The following TANK variants were observed in gnomAD, a reference collection of about 807,000 sequenced individuals.
TANK encodes the protein TRAF family member-associated NF-kappa-B activator.
TANK carries 15 observed loss-of-function variants against 43.6 expected under a neutral mutation model. The observed-to-expected ratio is 0.34, with a 90% CI of 0.23 to 0.53. The LOEUF (loss-of-function observed/expected upper bound fraction) is 0.53, where lower values mean the gene tolerates loss of function less well. Among genes scored for constraint, TANK ranks in the 20% least tolerant of loss-of-function variants. TANK has a pLI of 0.94. For missense variants in TANK, 417 were observed against 498.6 expected (o/e 0.84, Z 1.56); for synonymous variants, 162 against 178.2 (o/e 0.91, Z 0.73).
At chr2:161,190,879 T>G (rs1167717433) in intron 2 of TANK, among the ~76,000 whole-genome samples, 1 of 152,138 alleles carries the variant, frequency 6.6e-6, no homozygotes, top group African/African-American at 2.4e-5. Flanking sequence ...AGGTAGATGG[T>G]GGTGATGGCT....
At chr2:161,198,523 ACT>A (rs1361684373) in intron 2 of TANK, among the ~76,000 whole-genome samples, 2 of 152,164 alleles carry the variant, frequency 1.3e-5, no homozygotes, top group Admixed American at 6.5e-5. Context: ...CCTGATGGTG[ACT>A]CTCTGCATTG....
chr2:161,229,401 A>G (rs984828014), intron 6 of TANK, among the ~76,000 whole-genome samples: 2 of 152,204 alleles, frequency 1.3e-5, no homozygotes, highest in African/African-American at 2.4e-5. Context: ...AGTATTTTAG[A>G]AAAACTACTC....
At chr2:161,231,609 A>G in intron 7 of TANK, 58 bp downstream of exon 7, 2 of 1,387,388 alleles carry the variant, frequency 1.4e-6, no homozygotes, top group Non-Finnish European at 2.0e-6. Context: ...TTTGCCATAC[A>G]TGCACAGATA....
At chr2:161,234,904 A>G (rs1000815357) in intron 7 of TANK, among the ~76,000 whole-genome samples, 1 of 152,256 alleles carries the variant, frequency 6.6e-6, no homozygotes, top group Non-Finnish European at 1.5e-5. Flanking sequence ...GATTTTGATT[A>G]AGACGCAATG....
intron 4 of TANK, chr2:161,207,445 T>C: frequency 1.0e-6 from 1 of 981,958 alleles, no homozygotes; most frequent in Non-Finnish European, 1.2e-6. Flanking sequence ...AAAATAAAAA[T>C]TAACTGTCTT....
chr2:161,187,608 TG>T (rs1451252347), intron 2 of TANK, among the ~76,000 whole-genome samples: 1 of 152,124 alleles, frequency 6.6e-6, no homozygotes, highest in Non-Finnish European at 1.5e-5. Context: ...TACAGCTCTA[TG>T]ATAATAGTAG....
At chr2:161,232,720 G>T (rs968239524) in intron 7 of TANK, 12 of 1,546,528 alleles carry the variant, frequency 7.8e-6, no homozygotes, top group Non-Finnish European at 7.9e-6. Context: ...TGTCTTGCTT[G>T]TTCTTTTACT....
At chr2:161,183,919 T>C (rs1685540024) in intron 2 of TANK, among the ~76,000 whole-genome samples, 1 of 152,082 alleles carries the variant, frequency 6.6e-6, no homozygotes, top group Non-Finnish European at 1.5e-5. Flanking sequence ...AAAGTAGTTA[T>C]TACTATAGTG....
chr2:161,199,942 T>C (rs1443960992), intron 2 of TANK, among the ~76,000 whole-genome samples: 1 of 152,214 alleles, frequency 6.6e-6, no homozygotes, highest in African/African-American at 2.4e-5. Flanking sequence ...CCTAAGTACC[T>C]GTTTACCTCT....
intron 2 of TANK, among the ~76,000 whole-genome samples, chr2:161,184,162 C>T (rs1196942280): frequency 6.6e-6 from 1 of 152,014 alleles, no homozygotes; most frequent in African/African-American, 2.4e-5. Flanking sequence ...TGGGACATTC[C>T]AGGAAAAGAA....
Position 161,180,136 on chromosome 2 carries a change from T to C in TANK, c.99+375T>C, listed in dbSNP as rs1685355535. The C allele has an allele frequency of 1.4e-5, 14 of 991,122 alleles. No individual in the cohort carries two copies. In the South Asian group the frequency reaches 4.7e-4, roughly 33 times the overall value. 61.4% of individuals were successfully genotyped at this position (991,122 alleles called of 1,614,324 possible). The stretch of plus-strand genomic sequence containing the variant: ...GGTTTTGGTGTTTTTTATGTTGTTA[T>C]TTGGCTGACAGGAAAACTTTTCAAA... On this transcript the variant is annotated intron_variant, in intron 2 of 7. Transcript: ENST00000392749.
At chr2:161,187,497 G>T (rs1189606905) in intron 2 of TANK, among the ~76,000 whole-genome samples, 1 of 152,112 alleles carries the variant, frequency 6.6e-6, no homozygotes, top group Non-Finnish European at 1.5e-5. Context: ...TAATGATAAT[G>T]GGTCAGTTTA....
At chr2:161,230,521 A>G (rs1687855628) in intron 6 of TANK, among the ~76,000 whole-genome samples, 1 of 152,212 alleles carries the variant, frequency 6.6e-6, no homozygotes, top group Admixed American at 6.5e-5. Flanking sequence ...TAAACTGATT[A>G]GTGATATACT....
At chr2:161,200,493 A>G in intron 2 of TANK, 1 of 976,518 alleles carries the variant, frequency 1.0e-6, no homozygotes, top group Non-Finnish European at 1.2e-6. Context: ...GTTTGATGTA[A>G]TATTTCCTTT....
intron 3 of TANK, 57 bp downstream of exon 3, chr2:161,203,652 G>C: frequency 9.0e-7 from 1 of 1,112,798 alleles, no homozygotes; most frequent in South Asian, 1.4e-5. Flanking sequence ...AAAGAAAGGT[G>C]TAAGTTGAGT....
upstream of TANK, chr2:161,159,019 GC>G (rs1265643543): frequency 6.6e-6 from 1 of 152,158 alleles, no homozygotes; most frequent in Non-Finnish European, 1.5e-5. Context: ...TATTAGAATG[GC>G]CAAAATCCAG....
rs547877076 is a variant in TANK at position 161,230,283 on chromosome 2, G to T, written c.521-688G>T. On this transcript the variant is annotated intron_variant, in intron 6 of 7. Coordinates refer to ENST00000392749, the MANE Select transcript of TANK (RefSeq NM_001199135.3). Reference sequence around the variant, plus strand: ...CAAAGCTGAATTTGTTGGATAAGTGGTTCTAGATAAATGAGCTACAGAGGC... The same window carrying T: ...CAAAGCTGAATTTGTTGGATAAGTGTTTCTAGATAAATGAGCTACAGAGGC... Among the ~76,000 whole-genome samples, 146 of 152,196 alleles carry T rather than the reference G, an allele frequency of 9.6e-4. 1 individual carries two copies. The Middle Eastern group carries it at 0.014, about 14-fold the overall frequency.
chr2:161,141,295 T>C (rs1683739694), intron 1 of TANK, among the ~76,000 whole-genome samples: 1 of 152,198 alleles, frequency 6.6e-6, no homozygotes, highest in South Asian at 2.1e-4. Flanking sequence ...GAATGTTTCA[T>C]ATAAGTGAAA....
At chr2:161,182,301 C>G (rs950051526) in intron 2 of TANK, among the ~76,000 whole-genome samples, 1 of 152,028 alleles carries the variant, frequency 6.6e-6, no homozygotes, top group African/African-American at 2.4e-5. Context: ...TCAGATCCGA[C>G]AAGTAAAGGG....
Sources: allele counts gnomAD v4.1 joint callset (sites outside exome capture counted in the v4.1 genomes callset), GRCh38; gene constraint gnomAD v4.1.1; transcripts MANE v1.5; gene names NCBI Gene and HGNC (gene_info 2026-07-23, HGNC 2026-07-21).